The following CD82 variants were observed in gnomAD, a reference collection of about 807,000 sequenced individuals.
CD82 encodes the protein CD82 antigen.
Under a neutral mutation model 37.4 loss-of-function variants are expected in CD82, and 36 were observed. The observed-to-expected ratio is 0.96, with a 90% CI of 0.74 to 1.27. The LOEUF is 1.27. Ranked by LOEUF, CD82 falls within the 50% of genes most tolerant of loss-of-function variation. CD82 has a pLI of 0.00. For synonymous variants in CD82, 158 were observed against 137.4 expected (o/e 1.15, Z -1.05); for missense variants, 340 against 347.0 (o/e 0.98, Z 0.16).
At chr11:44,578,794 C>T (rs1852937536) in intron 1 of CD82, among the ~76,000 whole-genome samples, 1 of 152,180 alleles carries the variant, frequency 6.6e-6, no homozygotes, top group African/African-American at 2.4e-5. Context: ...CAGATTTCCA[C>T]CCTGCATTAG....
intron 6 of CD82, among the ~76,000 whole-genome samples, chr11:44,609,971 C>G (rs1016178765): frequency 6.6e-6 from 1 of 152,190 alleles, no homozygotes; most frequent in Middle Eastern, 3.2e-3. Context: ...GAAGCGCCCT[C>G]ATTTCCTATC....
intron 1 of CD82, among the ~76,000 whole-genome samples, chr11:44,572,711 G>A (rs1324631980): frequency 2.6e-5 from 4 of 152,234 alleles, no homozygotes; most frequent in Non-Finnish European, 5.9e-5. Flanking sequence ...CTTTTGAACA[G>A]TAGTTGAGAT....
chr11:44,618,773 GTC>G, intron 9 of CD82, 50 bp downstream of exon 9: 1 of 1,503,836 alleles, frequency 6.6e-7, no homozygotes, highest in Middle Eastern at 1.7e-4. Flanking sequence ...CTCCTGGGTT[GTC>G]TCTGTTCTGC....
intron 3 of CD82, among the ~76,000 whole-genome samples, chr11:44,595,475 C>G (rs751557239): frequency 7.5e-6 from 1 of 132,964 alleles, no homozygotes; most frequent in Non-Finnish European, 1.6e-5. Context: ...GCTGGCTTCC[C>G]TGTGTTGACG....
intron 7 of CD82, 34 bp downstream of exon 7, chr11:44,615,407 G>C: frequency 1.5e-6 from 2 of 1,348,694 alleles, no homozygotes; most frequent in Non-Finnish European, 2.1e-6. Context: ...AGGCTCTCTG[G>C]CCTGGGTGTC....
chr11:44,567,156 C>T (rs1160742036), intron 1 of CD82, among the ~76,000 whole-genome samples: 1 of 152,138 alleles, frequency 6.6e-6, no homozygotes, highest in African/African-American at 2.4e-5. Flanking sequence ...CTGTTCTGCC[C>T]TGGTGGCTGG....
At chr11:44,611,355 G>T (rs527322017) in intron 6 of CD82, among the ~76,000 whole-genome samples, 5 of 152,310 alleles carry the variant, frequency 3.3e-5, no homozygotes, top group Non-Finnish European at 5.9e-5. Context: ...TCTCGGGCAG[G>T]CTGTCCCCAG....
rs1361674689 is a variant in CD82, at chr11:44,597,038, G to A, written c.63+2313G>A. On this transcript the variant is annotated intron_variant, in intron 3 of 9. Transcript: ENST00000227155. The surrounding 1 kb of genome is among the most constrained non-coding windows in gnomAD (Gnocchi z 4.1). The stretch of plus-strand genomic sequence containing the variant: ...GGGGATCCTGGCAGCAGGGGCAGCC[G>A]GTGGAGGCAGAGTGCACCTCCCCAG... 8 of 455,672 alleles carry A rather than the reference G, an allele frequency of 1.8e-5. No homozygotes were observed. The highest frequency in any genetic ancestry group is 4.6e-5 in the South Asian group (3 of 64,552). 28.2% of individuals were successfully genotyped at this position (455,672 alleles called of 1,614,324 possible).
At chr11:44,576,073 C>T (rs568391518) in intron 1 of CD82, among the ~76,000 whole-genome samples, 46 of 152,320 alleles carry the variant, frequency 3.0e-4, no homozygotes, top group Admixed American at 1.0e-3. Flanking sequence ...GATCTTGCTC[C>T]ACTTCTTATC....
At chr11:44,573,669 C>T (rs570658848) in intron 1 of CD82, among the ~76,000 whole-genome samples, 8 of 152,330 alleles carry the variant, frequency 5.3e-5, no homozygotes, top group East Asian at 1.9e-4. Context: ...TGCCAGGAGA[C>T]GGTATGGCAT....
intron 2 of CD82, chr11:44,587,766 T>C: frequency 2.7e-6 from 1 of 376,220 alleles, no homozygotes; most frequent in Non-Finnish European, 5.4e-6. Context: ...GTCCTGGCAT[T>C]CAGAGCTGGC....
chr11:44,600,132 CA>C (rs1403849967), intron 3 of CD82, 25 bp from the exon 4 acceptor site: 1 of 1,612,702 alleles, frequency 6.2e-7, no homozygotes, highest in East Asian at 2.2e-5. Flanking sequence ...CTTGGCTCCC[CA>C]TTAACTGCTC....
chr11:44,585,524 A>T (rs1331787411), intron 1 of CD82, among the ~76,000 whole-genome samples: 1 of 152,158 alleles, frequency 6.6e-6, no homozygotes, highest in Non-Finnish European at 1.5e-5. Flanking sequence ...GTGCCCTACT[A>T]TGCACTAGCC....
intron 7 of CD82, among the ~76,000 whole-genome samples, chr11:44,615,629 G>A (rs892463329): frequency 6.6e-6 from 1 of 152,194 alleles, no homozygotes; most frequent in Non-Finnish European, 1.5e-5. Flanking sequence ...GCAGTTGTCA[G>A]CCCTCTTATC....
intron 1 of CD82, among the ~76,000 whole-genome samples, chr11:44,586,056 C>T (rs1199921277): frequency 6.6e-6 from 1 of 152,152 alleles, no homozygotes; most frequent in African/African-American, 2.4e-5. Context: ...GCCTGCACCC[C>T]ACTGAGGAGC....
chr11:44,568,132 C>T (rs1467057961), intron 1 of CD82, among the ~76,000 whole-genome samples: 1 of 152,192 alleles, frequency 6.6e-6, no homozygotes, highest in Admixed American at 6.5e-5. Flanking sequence ...AACAGAGCAG[C>T]ACTTTAGGAA....
chr11:44,575,358 C>T lies in CD82; in HGVS notation c.-103+9622C>T, dbSNP rs186187306. On this transcript the variant is annotated intron_variant, in intron 1 of 9. Coordinates refer to ENST00000227155, the MANE Select transcript of CD82 (RefSeq NM_002231.4). ...CCTCTCCCCACAGTGACTCCTTCCT[C>T]CCCAACAGTCTCCTGGAAAGGAGGA... 1.0e-3 allele frequency among the ~76,000 whole-genome samples: 153 copies of T among 152,344 alleles called. 2 individuals are homozygous for T. The highest frequency in any genetic ancestry group is 3.5e-3 in the African/African-American group (144 of 41,570).
At chr11:44,567,637 G>GAGA (rs1279910962) in intron 1 of CD82, among the ~76,000 whole-genome samples, 5 of 151,968 alleles carry the variant, frequency 3.3e-5, no homozygotes, top group African/African-American at 9.7e-5. Flanking sequence ...TGGGGAGGAG[G>GAGA]AGACGTTCAT....
intron 1 of CD82, among the ~76,000 whole-genome samples, chr11:44,584,986 G>A (rs531330624): frequency 7.2e-5 from 11 of 152,300 alleles, no homozygotes; most frequent in African/African-American, 1.2e-4. Flanking sequence ...CTTTCTGCCC[G>A]ACTGGGCAGA....
Sources: gnomAD v4.1 joint callset for allele counts (sites outside exome capture counted in the v4.1 genomes callset) on GRCh38, gnomAD v4.1.1 for gene constraint, Gnocchi (gnomAD v3.1) non-coding constraint, MANE v1.5 for transcripts, NCBI Gene and HGNC (gene_info 2026-07-23, HGNC 2026-07-21) for gene names.